ADARB2: variants seen among roughly 807,000 people sequenced by gnomAD.
The protein encoded by ADARB2 is inactive double-stranded RNA-specific editase B2.
In ADARB2, 25 loss-of-function variants were observed where a neutral mutation model predicts 62.2. The observed-to-expected ratio is 0.40, with a 90% CI of 0.29 to 0.56. The LOEUF (loss-of-function observed/expected upper bound fraction) is 0.56. ADARB2 is among the 20% of genes least tolerant of loss of function. The pLI is 0.43. For synonymous variants in ADARB2, 572 were observed against 500.8 expected (o/e 1.14, Z -1.90); for missense variants, 1,071 against 1,077.4 (o/e 0.99, Z 0.08).
chr10:1,713,742 C>T (rs982170299), intron 1 of ADARB2, among the ~76,000 whole-genome samples: 3 of 152,142 alleles, frequency 2.0e-5, no homozygotes, highest in Admixed American at 1.3e-4. Context: ...GCTCCGGTCC[C>T]GTGGGGAACA....
At chr10:1,210,019 C>A (rs574452727) in intron 7 of ADARB2, among the ~76,000 whole-genome samples, 22 of 151,216 alleles carry the variant, frequency 1.5e-4, no homozygotes, top group African/African-American at 5.4e-4. Flanking sequence ...CATGGAATTC[C>A]GTACCCAGAA....
intron 9 of ADARB2, among the ~76,000 whole-genome samples, chr10:1,183,925 A>AC (rs1836714869): frequency 6.6e-6 from 1 of 152,210 alleles, no homozygotes; most frequent in African/African-American, 2.4e-5. Flanking sequence ...GGAGGCACTC[A>AC]CCGGGGGGTC....
Position 1,626,238 on chromosome 10 carries a change from A to G in ADARB2, c.100+110813T>C, listed in dbSNP as rs56134782. ...TGGACACAGGCCTCCACTGGACCTCAGACGCTAACCCCACATCTGCCCATG... is the reference window on the plus strand; with the variant it reads ...TGGACACAGGCCTCCACTGGACCTCGGACGCTAACCCCACATCTGCCCATG... On this transcript the variant is annotated intron_variant, in intron 1 of 9. Coordinates refer to ENST00000381312, the MANE Select transcript of ADARB2 (RefSeq NM_018702.4). 5.3e-3 allele frequency among the ~76,000 whole-genome samples: 294 copies of G among 55,976 alleles called. 1 individual carries two copies. Among genetic ancestry groups the G allele is most frequent in the African/African-American group, 0.013 (128 of 10,090 alleles). The allele number at this position is 55,976 out of a possible 152,430, so 36.7% of individuals were successfully genotyped here.
chr10:1,534,747 T>C (rs1832302693), intron 1 of ADARB2: 1 of 166,390 alleles, frequency 6.0e-6, no homozygotes. Flanking sequence ...GTCCAGATCA[T>C]TGTGAATGAA....
chr10:1,179,665 C>T lies in ADARB2; in HGVS notation c.*3528G>A. The T allele has an allele frequency of 6.6e-6, 1 of 152,234 alleles. No individual in the cohort carries two copies. Among genetic ancestry groups the T allele is most frequent in the Non-Finnish European group, 1.5e-5 (1 of 68,058 alleles). The allele number at this position is 152,234 out of a possible 1,614,324, so 9.4% of individuals were successfully genotyped here. On this transcript the variant is annotated 3_prime_UTR_variant, in exon 10 of 10. Coordinates refer to ENST00000381312, the MANE Select transcript of ADARB2 (RefSeq NM_018702.4). ...GGGAAAGCAGTGTGTGTTTTGGAGG[C>T]AGATAAAGGTGGTGCTGGTTTTATG...
intron 2 of ADARB2, among the ~76,000 whole-genome samples, chr10:1,371,762 C>A: frequency 7.9e-6 from 1 of 126,294 alleles, no homozygotes; most frequent in Non-Finnish European, 1.6e-5. Context: ...TTACCCCAGT[C>A]AGAATGGCTA....
intron 1 of ADARB2, among the ~76,000 whole-genome samples, chr10:1,495,849 T>A (rs1361102523): frequency 6.6e-6 from 1 of 151,812 alleles, no homozygotes; most frequent in East Asian, 1.9e-4. Context: ...GTCATCAACA[T>A]TACCATCATC....
At chr10:1,728,039 T>C (rs1276593900) in intron 1 of ADARB2, among the ~76,000 whole-genome samples, 1 of 152,238 alleles carries the variant, frequency 6.6e-6, no homozygotes, top group Non-Finnish European at 1.5e-5. Flanking sequence ...TAAAGCAAAA[T>C]GCAAGAAAGA....
At chr10:1,428,363 T>G (rs1252778472) in intron 1 of ADARB2, among the ~76,000 whole-genome samples, 1 of 151,632 alleles carries the variant, frequency 6.6e-6, no homozygotes, top group Non-Finnish European at 1.5e-5. Flanking sequence ...CTCGGCTCAC[T>G]GCAAGCTCCG....
intron 1 of ADARB2, among the ~76,000 whole-genome samples, chr10:1,644,339 G>A (rs747837847): frequency 5.3e-5 from 8 of 152,222 alleles, no homozygotes; most frequent in East Asian, 1.9e-4. Flanking sequence ...CCCTGTCCCC[G>A]GGCGTCTTTC....
intron 1 of ADARB2, among the ~76,000 whole-genome samples, chr10:1,628,599 G>A (rs140699069): frequency 6.5e-4 from 99 of 152,306 alleles, no homozygotes; most frequent in African/African-American, 2.1e-3. Flanking sequence ...CAGCTGTCTA[G>A]GGTCCCTGTT....
chr10:1,194,947 A>T (rs1836889578), intron 8 of ADARB2, among the ~76,000 whole-genome samples: 1 of 152,076 alleles, frequency 6.6e-6, no homozygotes, highest in South Asian at 2.1e-4. Context: ...TCTATTTATA[A>T]TTTTTTGTAG....
chr10:1,192,063 C>A (rs913800727), intron 8 of ADARB2, among the ~76,000 whole-genome samples: 44 of 152,164 alleles, frequency 2.9e-4, no homozygotes, highest in Non-Finnish European at 5.3e-4. Flanking sequence ...AAAAAGATGC[C>A]TGACTTGAAG....
At position 1,214,045 on chromosome 10, in the gene ADARB2, C is replaced by T. The variant is rs551482185; in HGVS notation, c.1682+2906G>A. ...CTGTGTCCAGCGTTGTGTAGCTTTG[C>T]ACCTGTACCCGGACCTGCCGGTGAC... On this transcript the variant is annotated intron_variant, in intron 7 of 9. Transcript: ENST00000381312. 2.6e-4 allele frequency among the ~76,000 whole-genome samples: 39 copies of T among 150,938 alleles called. 1 individual carries two copies. The highest frequency in any genetic ancestry group is 2.0e-3 in the Admixed American group (30 of 15,136).
At chr10:1,563,097 G>C (rs1053417578) in intron 1 of ADARB2, among the ~76,000 whole-genome samples, 1 of 152,022 alleles carries the variant, frequency 6.6e-6, no homozygotes, top group Non-Finnish European at 1.5e-5. Context: ...GCTGTCCAGG[G>C]TGAGAACGTG....
chr10:1,220,042 ATGGTGATGGTGGTGG>A (rs1830672502), intron 6 of ADARB2, among the ~76,000 whole-genome samples: 1 of 126,212 alleles, frequency 7.9e-6, no homozygotes, highest in Non-Finnish European at 1.7e-5. Context: ...GATGATGGTA[ATGGTGATGGTGGTGG>A]TGGTGATGAT....
At chr10:1,257,216 G>C (rs955250412) in intron 4 of ADARB2, among the ~76,000 whole-genome samples, 18 of 152,164 alleles carry the variant, frequency 1.2e-4, no homozygotes, top group African/African-American at 4.3e-4. Context: ...GTTAGTTAGA[G>C]CACCCATTCT....
chr10:1,263,405 CA>C (rs902529315), intron 4 of ADARB2, among the ~76,000 whole-genome samples: 1 of 152,116 alleles, frequency 6.6e-6, no homozygotes, highest in African/African-American at 2.4e-5. Context: ...TTTTCACCAA[CA>C]AAGTTAGTGT....
intron 1 of ADARB2, among the ~76,000 whole-genome samples, chr10:1,404,858 G>A (rs1049252082): frequency 6.6e-6 from 1 of 152,218 alleles, no homozygotes; most frequent in South Asian, 2.1e-4. Flanking sequence ...CCATCCCAGC[G>A]AGACTTGGGT....
Sources: gnomAD v4.1 joint callset for allele counts (sites outside exome capture counted in the v4.1 genomes callset) on GRCh38, gnomAD v4.1.1 for gene constraint, MANE v1.5 for transcripts, NCBI Gene and HGNC (gene_info 2026-07-23, HGNC 2026-07-21) for gene names.